Variants in EXOC4 observed in about 807,000 individuals in gnomAD.
The protein encoded by EXOC4 is exocyst complex component 4, also known as SEC8-like 1.
In EXOC4, 71 loss-of-function variants were observed where a neutral mutation model predicts 107.2. The observed-to-expected ratio is 0.66, with a 90% CI of 0.55 to 0.81. The LOEUF is 0.81. Ranked by LOEUF, EXOC4 falls within the 30% of genes least tolerant of loss-of-function variation. The pLI is 0.00. For synonymous variants in EXOC4, 456 were observed against 441.2 expected (o/e 1.03, Z -0.42); for missense variants, 1,108 against 1,189.6 (o/e 0.93, Z 1.01).
chr7:133,648,306 A>G (rs1266203245), intron 10 of EXOC4, among the ~76,000 whole-genome samples: 3 of 152,304 alleles, frequency 2.0e-5, no homozygotes, highest in East Asian at 3.9e-4. Flanking sequence ...GCAACCTCAC[A>G]TGCTGCCTAC....
intron 6 of EXOC4, among the ~76,000 whole-genome samples, chr7:133,370,148 C>T (rs535185781): frequency 4.5e-5 from 6 of 133,672 alleles, no homozygotes; most frequent in Non-Finnish European, 8.0e-5. Context: ...CACCCTCCCC[C>T]CCAAAAGCAT....
intron 17 of EXOC4, among the ~76,000 whole-genome samples, chr7:134,044,494 C>A (rs1795598250): frequency 6.6e-6 from 1 of 152,154 alleles, no homozygotes; most frequent in Non-Finnish European, 1.5e-5. Context: ...TACTAGGAAT[C>A]AGCATGTATT....
At chr7:133,321,524 GT>G (rs1795112347) in intron 5 of EXOC4, among the ~76,000 whole-genome samples, 1 of 151,942 alleles carries the variant, frequency 6.6e-6, no homozygotes, top group South Asian at 2.1e-4. Context: ...GAGGTGTTTG[GT>G]TTTCTGTTCT....
chr7:133,635,274 A>T (rs1185361699), intron 10 of EXOC4, among the ~76,000 whole-genome samples: 1 of 152,178 alleles, frequency 6.6e-6, no homozygotes, highest in Non-Finnish European at 1.5e-5. Context: ...ATTAATATAT[A>T]ATGTAGTCTT....
At chr7:133,494,922 CTT>C (rs1799442859) in intron 9 of EXOC4, among the ~76,000 whole-genome samples, 1 of 152,044 alleles carries the variant, frequency 6.6e-6, no homozygotes, top group Admixed American at 6.6e-5. Context: ...GCATTTTACA[CTT>C]TGAAATTTGT....
At chr7:133,310,214 C>T (rs1159139002) in intron 4 of EXOC4, among the ~76,000 whole-genome samples, 2 of 152,152 alleles carry the variant, frequency 1.3e-5, no homozygotes, top group Non-Finnish European at 2.9e-5. Flanking sequence ...GGATATTGTA[C>T]TGCAGCCCTC....
At chr7:133,753,739 A>G (rs1486583306) in intron 10 of EXOC4, among the ~76,000 whole-genome samples, 1 of 152,116 alleles carries the variant, frequency 6.6e-6, no homozygotes, top group African/African-American at 2.4e-5. Flanking sequence ...CACTGTACCT[A>G]GCATGCTGAG....
intron 10 of EXOC4, among the ~76,000 whole-genome samples, chr7:133,682,997 G>A (rs1562905990): frequency 1.3e-5 from 2 of 152,174 alleles, no homozygotes; most frequent in Admixed American, 1.3e-4. Flanking sequence ...TTACAGAGAT[G>A]TTGTCATTCT....
intron 9 of EXOC4, among the ~76,000 whole-genome samples, chr7:133,550,412 T>C (rs1800563132): frequency 6.6e-6 from 1 of 152,166 alleles, no homozygotes; most frequent in African/African-American, 2.4e-5. Flanking sequence ...TTACTCACAA[T>C]AGCAGAGTTA....
At chr7:133,406,755 A>G (rs1440300679) in intron 7 of EXOC4, among the ~76,000 whole-genome samples, 2 of 152,246 alleles carry the variant, frequency 1.3e-5, no homozygotes, top group African/African-American at 2.4e-5. Context: ...GGCAACAGTC[A>G]TTGATATTGA....
chr7:133,593,038 T>C (rs1801586913), intron 9 of EXOC4, among the ~76,000 whole-genome samples: 1 of 152,246 alleles, frequency 6.6e-6, no homozygotes, highest in African/African-American at 2.4e-5. Context: ...TGAGCCACCG[T>C]GCCTGGCCTA....
chr7:133,609,953 AC>A (rs1802039960), intron 9 of EXOC4, among the ~76,000 whole-genome samples: 1 of 152,164 alleles, frequency 6.6e-6, no homozygotes, highest in South Asian at 2.1e-4. Context: ...ACAACTTTTT[AC>A]CCATAGGATG....
At chr7:133,841,286 T>G (rs1798020171) in intron 11 of EXOC4, among the ~76,000 whole-genome samples, 1 of 152,042 alleles carries the variant, frequency 6.6e-6, no homozygotes, top group African/African-American at 2.4e-5. Context: ...ACCTTGGGGG[T>G]TAGGATTTCA....
rs150715347 is a variant in EXOC4, at chr7:133,618,209, A to G, written c.1418-11836A>G. On this transcript the variant is annotated intron_variant, in intron 9 of 17. Coordinates refer to ENST00000253861, the MANE Select transcript of EXOC4 (RefSeq NM_021807.4). ...TGCAGTGTTTATTTTTAATGGCTGC[A>G]TAATATTCTAGTTATATATATATAT... is the stretch of plus-strand genomic sequence containing the variant. Among the ~76,000 whole-genome samples the G allele has an allele frequency of 8.3e-3, 1,269 of 152,118 alleles. 18 individuals are homozygous for G. Among genetic ancestry groups the G allele is most frequent in the African/African-American group, 0.026 (1,074 of 41,522 alleles).
At chr7:133,658,529 G>C (rs1242067935) in intron 10 of EXOC4, among the ~76,000 whole-genome samples, 2 of 152,206 alleles carry the variant, frequency 1.3e-5, no homozygotes, top group African/African-American at 2.4e-5. Flanking sequence ...ATTGCACCTA[G>C]CCTGTGGGCT....
intron 1 of EXOC4, 67 bp from the exon 2 acceptor site, chr7:133,274,915 C>T: frequency 7.8e-7 from 1 of 1,277,242 alleles, no homozygotes; most frequent in East Asian, 2.4e-5. Context: ...TTACTTTCTG[C>T]TTCACCTTTC....
At chr7:133,327,934 C>T (rs1458414369) in intron 5 of EXOC4, among the ~76,000 whole-genome samples, 1 of 152,104 alleles carries the variant, frequency 6.6e-6, no homozygotes, top group Non-Finnish European at 1.5e-5. Context: ...GTGGAGAGTT[C>T]TGTAGAGGTC....
chr7:134,024,998 G>A (rs1332176386), intron 17 of EXOC4, among the ~76,000 whole-genome samples: 2 of 152,160 alleles, frequency 1.3e-5, no homozygotes, highest in Non-Finnish European at 2.9e-5. Context: ...GAGAGATTTT[G>A]GCCACAATCC....
At chr7:133,847,904 AT>A (rs1183603105) in intron 11 of EXOC4, among the ~76,000 whole-genome samples, 3 of 64,530 alleles carry the variant, frequency 4.6e-5, no homozygotes, top group Non-Finnish European at 9.3e-5. Context: ...TTTTTTTTGT[AT>A]TTTTAGTAGA....
Sources: gnomAD v4.1 joint callset for allele counts (sites outside exome capture counted in the v4.1 genomes callset) on GRCh38, gnomAD v4.1.1 for gene constraint, MANE v1.5 for transcripts, NCBI Gene and HGNC (gene_info 2026-07-23, HGNC 2026-07-21) for gene names.